The following TXNRD3 variants were observed in gnomAD, a reference collection of about 807,000 sequenced individuals.
TXNRD3 encodes the protein thioredoxin reductase 3.
TXNRD3 carries 68 observed loss-of-function variants against 78.2 expected under a neutral mutation model. The ratio of observed to expected loss-of-function variants is 0.87; its 90% CI spans 0.72 to 1.06. TXNRD3 has a LOEUF of 1.06. TXNRD3 is among the 50% of genes least tolerant of loss of function. The pLI, the probability that TXNRD3 is intolerant of heterozygous loss-of-function variation, is 0.00. For missense variants in TXNRD3, 751 were observed against 809.5 expected (o/e 0.93, Z 0.88); for synonymous variants, 296 against 300.1 (o/e 0.99, Z 0.14).
At chr3:126,633,647 T>C (rs749405707) in intron 7 of TXNRD3, among the ~76,000 whole-genome samples, 1 of 152,220 alleles carries the variant, frequency 6.6e-6, no homozygotes, top group Non-Finnish European at 1.5e-5. Context: ...AGTTTAAACA[T>C]GTTCTCTTTT....
intron 1 of TXNRD3, among the ~76,000 whole-genome samples, chr3:126,652,827 T>C (rs968015645): frequency 6.6e-6 from 1 of 152,214 alleles, no homozygotes; most frequent in Non-Finnish European, 1.5e-5. Flanking sequence ...TAAGCAAATA[T>C]AAATTATTGC....
At chr3:126,633,048 TA>T (rs2107619865) in intron 7 of TXNRD3, among the ~76,000 whole-genome samples, 1 of 152,334 alleles carries the variant, frequency 6.6e-6, no homozygotes. Flanking sequence ...TGTAAGGTTT[TA>T]AAGGGCTGAC....
intron 13 of TXNRD3, among the ~76,000 whole-genome samples, chr3:126,614,816 T>C (rs1021207398): frequency 1.2e-4 from 19 of 152,212 alleles, no homozygotes; most frequent in Non-Finnish European, 2.6e-4. Context: ...CAATTCTTTT[T>C]ATCCTCCCTC....
intron 10 of TXNRD3, among the ~76,000 whole-genome samples, chr3:126,628,910 A>T (rs549678603): frequency 4.4e-4 from 67 of 152,260 alleles, no homozygotes; most frequent in African/African-American, 1.6e-3. Flanking sequence ...TAAAACATAA[A>T]TGTATAGTTT....
intron 12 of TXNRD3, among the ~76,000 whole-genome samples, chr3:126,616,355 A>C (rs1288747654): frequency 6.6e-6 from 1 of 152,250 alleles, no homozygotes; most frequent in African/African-American, 2.4e-5. Context: ...AATGGCCACA[A>C]GTGATTAGAC....
At chr3:126,639,618 G>A (rs529622760) in intron 6 of TXNRD3, among the ~76,000 whole-genome samples, 1 of 152,270 alleles carries the variant, frequency 6.6e-6, no homozygotes, top group East Asian at 1.9e-4. Context: ...TGCACAGGCT[G>A]GAGTGCAGTG....
chr3:126,630,395 A>G (rs933683216), intron 9 of TXNRD3, among the ~76,000 whole-genome samples: 1 of 152,226 alleles, frequency 6.6e-6, no homozygotes, highest in African/African-American at 2.4e-5. Flanking sequence ...AGTGAGGGTA[A>G]AAGAAGGCTT....
In TXNRD3 at chr3:126,611,760, C is replaced by A. The variant is rs556902268; in HGVS notation, c.1633-628G>T. Among the ~76,000 whole-genome samples, 3 of 152,276 alleles carry A rather than the reference C, an allele frequency of 2.0e-5. No homozygotes were observed. In the East Asian group the frequency reaches 5.8e-4, roughly 29 times the overall value. On this transcript the variant is annotated intron_variant, in intron 13 of 15. Coordinates refer to ENST00000524230, the MANE Select transcript of TXNRD3 (RefSeq NM_052883.3). ...CTCCCAGTGTTGCACCTCTGAATCACTCCATACACAAACAGGCAGTTAATG... is the reference window on the plus strand; with the variant it reads ...CTCCCAGTGTTGCACCTCTGAATCAATCCATACACAAACAGGCAGTTAATG...
intron 10 of TXNRD3, among the ~76,000 whole-genome samples, chr3:126,629,041 GTTGT>G (rs1448453017): frequency 1.3e-5 from 2 of 151,940 alleles, no homozygotes; most frequent in Non-Finnish European, 2.9e-5. Context: ...TAGCTTTGTT[GTTGT>G]TTTTCATTAT....
rs1024190865 is a variant in TXNRD3, at chr3:126,655,060, G to T, written c.-70C>A. On this transcript the variant is annotated 5_prime_UTR_variant, in exon 1 of 16. Transcript: ENST00000524230. ...GAAACGCAGGCGGCTGCGGCGCCGG[G>T]ACGGGGCCTGAGGGGCGGCGAACGC... 2 of 1,292,488 alleles carry T rather than the reference G, an allele frequency of 1.5e-6. No individual in the cohort carries two copies. The highest frequency in any genetic ancestry group is 1.6e-5 in the African/African-American group (1 of 64,302). The allele number at this position is 1,292,488 out of a possible 1,614,324, so 80.1% of individuals were successfully genotyped here.
chr3:126,644,001 G>A lies in TXNRD3; in HGVS notation c.572C>T (p.Ser191Leu). 1 of 1,536,066 alleles carries A rather than the reference G, an allele frequency of 6.5e-7. No homozygotes were observed. Among genetic ancestry groups the A allele is most frequent in the Non-Finnish European group, 8.7e-7 (1 of 1,146,894 alleles). Residue 191 changes from serine (S) to leucine (L), a missense_variant, in exon 5 of 16, where the codon TCA becomes TTA. Transcript: ENST00000524230. The stretch of plus-strand genomic sequence containing the variant: ...CTTACCCCAGGATGTGCCCTGAGGT[G>A]ACGGGACAACAAAGTCTAGCACCAT...
intron 1 of TXNRD3, among the ~76,000 whole-genome samples, chr3:126,647,980 GAC>G (rs1412523937): frequency 6.6e-6 from 1 of 152,150 alleles, no homozygotes. Flanking sequence ...AGATTTCACA[GAC>G]ACACACATAC....
chr3:126,646,654 A>ATTTTTT (rs1252357908), intron 2 of TXNRD3, among the ~76,000 whole-genome samples: 1 of 152,228 alleles, frequency 6.6e-6, no homozygotes, highest in Non-Finnish European at 1.5e-5. Context: ...AGACTACCTT[A>ATTTTTT]TTGGTAAACC....
At chr3:126,643,481 A>G (rs1273520059) in intron 5 of TXNRD3, among the ~76,000 whole-genome samples, 2 of 152,188 alleles carry the variant, frequency 1.3e-5, no homozygotes, top group African/African-American at 4.8e-5. Flanking sequence ...ATAGTCAATT[A>G]TGAAACCGAC....
In TXNRD3 at chr3:126,640,263, C is replaced by A. The variant is rs1317991814; in HGVS notation, c.712+1769G>T. 2.3e-4 allele frequency among the ~76,000 whole-genome samples: 8 copies of A among 34,338 alleles called. 3 individuals are homozygous for A. The highest frequency in any genetic ancestry group is 4.7e-4 in the African/African-American group (8 of 16,884). The allele number at this position is 34,338 out of a possible 152,430, so 22.5% of individuals were successfully genotyped here. ...GGGACTACAGGCGCCCGCCACTACG[C>A]CCGGCTAATTTTTTGTATTTTTTTT... On this transcript the variant is annotated intron_variant, in intron 6 of 15. Transcript: ENST00000524230.
chr3:126,642,094 G>T lies in TXNRD3; in HGVS notation c.650C>A (p.Ala217Asp). ...ACATAATGCCTGCCCCAAAAGGGCA[G>T]CCTGATGCATCAATTTCTTAGGAAT... The change falls in exon 6 of 16, where the codon GCT (alanine) becomes GAT (aspartate). Residue 217 changes from alanine to aspartate, a missense_variant. By Grantham distance (126) the Ala-to-Asp change is moderately radical. Transcript: ENST00000524230. 6.5e-7 allele frequency: 1 copy of T among 1,536,128 alleles called. No individual in the cohort carries two copies. Among genetic ancestry groups the T allele is most frequent in the South Asian group, 1.2e-5 (1 of 84,004 alleles).
rs545805856 is a variant in TXNRD3 at position 126,612,028 on chromosome 3, TTTTG to T, written c.1633-900_1633-897del. ...GAGAAATAAACTCTTCTACCCATTT[TTTTG>T]TTTATTTGTTTGTTTGTTTGTTTTG... On this transcript the variant is annotated intron_variant, in intron 13 of 15. Transcript: ENST00000524230. Among the ~76,000 whole-genome samples, 18 of 152,276 alleles carry T rather than the reference TTTTG, an allele frequency of 1.2e-4. No individual in the cohort carries two copies. In the South Asian group the frequency reaches 3.3e-3, roughly 28 times the overall value.
chr3:126,612,316 G>T (rs752664199), intron 13 of TXNRD3, among the ~76,000 whole-genome samples: 2 of 152,134 alleles, frequency 1.3e-5, no homozygotes, highest in African/African-American at 2.4e-5. Flanking sequence ...GGTATTACAG[G>T]TGTGAGCCAC....
At chr3:126,643,616 A>AT (rs1433206352) in intron 5 of TXNRD3, among the ~76,000 whole-genome samples, 5 of 151,752 alleles carry the variant, frequency 3.3e-5, no homozygotes, top group South Asian at 2.1e-4. Flanking sequence ...TGGTCATGGA[A>AT]TTTTTTTTTC....
Sources: gnomAD v4.1 joint callset for allele counts (sites outside exome capture counted in the v4.1 genomes callset) on GRCh38, gnomAD v4.1.1 for gene constraint, MANE v1.5 for transcripts, NCBI Gene and HGNC (gene_info 2026-07-23, HGNC 2026-07-21) for gene names.